ACACA: variants seen among roughly 807,000 people sequenced by gnomAD.
ACACA encodes the protein acetyl-CoA carboxylase alpha, also known as acetyl-CoA carboxylase 1.
ACACA carries 103 observed loss-of-function variants against 296.1 expected under a neutral mutation model. The ratio of observed to expected loss-of-function variants is 0.35; its 90% CI spans 0.30 to 0.41. The LOEUF is 0.41. Among genes scored for constraint, ACACA ranks in the 10% least tolerant of loss-of-function variants. ACACA has a pLI of 1.00. For synonymous variants in ACACA, 953 were observed against 1,038.6 expected (o/e 0.92, Z 1.58); for missense variants, 1,554 against 2,989.7 (o/e 0.52, Z 11.20).
chr17:37,358,823 C>G (rs2049266913), intron 1 of ACACA, among the ~76,000 whole-genome samples: 1 of 152,206 alleles, frequency 6.6e-6, no homozygotes, highest in Non-Finnish European at 1.5e-5. Flanking sequence ...GACCTCAAGG[C>G]CTCAGAGCTG....
chr17:37,351,520 A>C (rs928441692), intron 1 of ACACA, among the ~76,000 whole-genome samples: 2 of 152,208 alleles, frequency 1.3e-5, no homozygotes, highest in Non-Finnish European at 2.9e-5. Flanking sequence ...TGTATTGCCA[A>C]CTGAAGATTT....
Position 37,370,376 on chromosome 17 carries a change from G to GAACC in ACACA, c.39-30527_39-30526insGGTT, listed in dbSNP as rs1470972694. Among the ~76,000 whole-genome samples the GAACC allele has an allele frequency of 2.7e-4, 41 of 151,532 alleles. 1 individual carries two copies. Among genetic ancestry groups the GAACC allele is most frequent in the African/African-American group, 9.7e-4 (40 of 41,290 alleles). ...AAAAGAAATTTCCAGCCCAGACGCG[G>GAACC]TGGCTCACGCCTGTAATCCTAGCAC... is the stretch of plus-strand genomic sequence containing the variant. On this transcript the variant is annotated intron_variant, in intron 1 of 55. Transcript: ENST00000616317.
intron 52 of ACACA, 98 bp from the exon 53 acceptor site, chr17:37,098,082 C>A (rs1263710720): frequency 3.1e-5 from 45 of 1,461,606 alleles, no homozygotes; most frequent in Non-Finnish European, 4.0e-5. Flanking sequence ...ATCAGCCTGC[C>A]CCCTCTTCCC....
intron 1 of ACACA, among the ~76,000 whole-genome samples, chr17:37,373,497 T>C (rs895601565): frequency 1.3e-5 from 2 of 152,046 alleles, no homozygotes; most frequent in African/African-American, 2.4e-5. Context: ...CCACCCGCCT[T>C]GGCCTCCCAA....
chr17:37,344,728 CTG>C (rs2048538419), intron 1 of ACACA, among the ~76,000 whole-genome samples: 1 of 152,086 alleles, frequency 6.6e-6, no homozygotes, highest in African/African-American at 2.4e-5. Context: ...CATAGCCCAA[CTG>C]TGGTAAACTT....
At chr17:37,230,462 T>C (rs1314106891) in intron 25 of ACACA, among the ~76,000 whole-genome samples, 1 of 152,122 alleles carries the variant, frequency 6.6e-6, no homozygotes, top group Non-Finnish European at 1.5e-5. Flanking sequence ...ACAGTATGAA[T>C]TAACCACTAT....
At chr17:37,302,775 T>C (rs1328044612) in intron 3 of ACACA, among the ~76,000 whole-genome samples, 1 of 152,244 alleles carries the variant, frequency 6.6e-6, no homozygotes, top group Non-Finnish European at 1.5e-5. Context: ...AACTTTTCTA[T>C]ATAGATCTTA....
intron 1 of ACACA, among the ~76,000 whole-genome samples, chr17:37,340,573 T>C (rs1306423642): frequency 6.6e-6 from 1 of 152,194 alleles, no homozygotes; most frequent in Non-Finnish European, 1.5e-5. Context: ...AACCACTCGT[T>C]AAGGGCAGAG....
chr17:37,221,624 T>G (rs1288015171), intron 29 of ACACA, 100 bp downstream of exon 29: 1 of 1,063,862 alleles, frequency 9.4e-7, no homozygotes, highest in African/African-American at 1.6e-5. Flanking sequence ...TGCCCTACAT[T>G]TCTAACTAAA....
At chr17:37,193,279 A>AATGGCAAGAAGAACGT in intron 36 of ACACA, 95 bp downstream of exon 36, 1 of 933,382 alleles carries the variant, frequency 1.1e-6, no homozygotes, top group Non-Finnish European at 1.7e-6. Context: ...GAGAAAAAAG[A>AATGGCAAGAAGAACGT]ATGGCAAGAA....
chr17:37,389,657 A>T (rs935815682), intron 1 of ACACA, among the ~76,000 whole-genome samples: 8 of 152,112 alleles, frequency 5.3e-5, no homozygotes, highest in Admixed American at 5.2e-4. Flanking sequence ...ATTGTACTCC[A>T]GCCTGGGCAA....
intron 1 of ACACA, among the ~76,000 whole-genome samples, chr17:37,405,697 T>A (rs1182887710): frequency 1.3e-5 from 2 of 151,940 alleles, no homozygotes; most frequent in African/African-American, 4.8e-5. Flanking sequence ...GGATTACAGG[T>A]GCCTGCCACC....
chr17:37,368,067 T>TCAAA (rs772554051), intron 1 of ACACA, among the ~76,000 whole-genome samples: 6 of 146,900 alleles, frequency 4.1e-5, no homozygotes, highest in Non-Finnish European at 7.5e-5. Context: ...AGACTCCGTC[T>TCAAA]CAAACAAACA....
intron 3 of ACACA, among the ~76,000 whole-genome samples, chr17:37,297,440 T>A (rs1430865883): frequency 8.2e-6 from 1 of 122,144 alleles, no homozygotes; most frequent in Admixed American, 8.6e-5. Flanking sequence ...AAACTCTGTC[T>A]CGAAAGAAAA....
intron 33 of ACACA, among the ~76,000 whole-genome samples, chr17:37,201,157 G>A (rs2078229119): frequency 6.6e-6 from 1 of 152,170 alleles, no homozygotes; most frequent in East Asian, 1.9e-4. Flanking sequence ...GTCAACAGAA[G>A]GCTGGGAGTG....
chr17:37,284,183 G>A (rs529394800), intron 4 of ACACA, among the ~76,000 whole-genome samples: 9 of 152,124 alleles, frequency 5.9e-5, no homozygotes, highest in Admixed American at 2.6e-4. Context: ...AAAGTGACAC[G>A]GAATTACATT....
intron 45 of ACACA, chr17:37,144,060 G>A (rs2075712855): frequency 1.3e-6 from 1 of 766,404 alleles, no homozygotes; most frequent in African/African-American, 1.7e-5. Flanking sequence ...CTTCAGGAGG[G>A]ACGTAGGTTT....
At chr17:37,110,730 G>A (rs1281620042) in intron 52 of ACACA, among the ~76,000 whole-genome samples, 3 of 152,090 alleles carry the variant, frequency 2.0e-5, no homozygotes, top group Admixed American at 6.6e-5. Flanking sequence ...CATTCACTGA[G>A]TTTCACTACC....
chr17:37,373,107 C>G (rs1298863876), intron 1 of ACACA, among the ~76,000 whole-genome samples: 2 of 152,162 alleles, frequency 1.3e-5, no homozygotes, highest in Non-Finnish European at 2.9e-5. Context: ...TCTTGAACTC[C>G]TGACCTCGTG....
Sources: allele counts gnomAD v4.1 joint callset (sites outside exome capture counted in the v4.1 genomes callset), GRCh38; gene constraint gnomAD v4.1.1; transcripts MANE v1.5; gene names NCBI Gene and HGNC (gene_info 2026-07-23, HGNC 2026-07-21).